RANBP2: variants seen among roughly 807,000 people sequenced by gnomAD.
RANBP2 encodes the protein E3 SUMO-protein ligase RanBP2.
Under a neutral mutation model 303.6 loss-of-function variants are expected in RANBP2, and 57 were observed. That is an observed-to-expected ratio of 0.19 (90% CI 0.15 to 0.23). The LOEUF (loss-of-function observed/expected upper bound fraction) is 0.23. RANBP2 is among the 10% of genes least tolerant of loss of function. The probability of loss-of-function intolerance (pLI) is 1.00; values close to 1 mark genes in which losing one functional copy is unlikely to be tolerated. For missense variants in RANBP2, 3,138 were observed against 3,780.8 expected (o/e 0.83, Z 4.46); for synonymous variants, 1,167 against 1,301.5 (o/e 0.90, Z 2.23).
At chr2:109,596,411 A>G in the RANBP2 span, among the ~76,000 whole-genome samples, 1 of 151,958 alleles carries the variant, frequency 6.6e-6, no homozygotes, top group East Asian at 1.9e-4. Context: ...AGGTCAGGAG[A>G]TCAAGACCAT....
chr2:109,120,180 T>G, the RANBP2 span, among the ~76,000 whole-genome samples: 4 of 152,178 alleles, frequency 2.6e-5, no homozygotes, highest in African/African-American at 9.6e-5. Context: ...GCAGGCTACC[T>G]GTAGGGTGGA....
chr2:109,271,898 T>G, the RANBP2 span, among the ~76,000 whole-genome samples: 6 of 152,256 alleles, frequency 3.9e-5, no homozygotes, highest in African/African-American at 1.4e-4. Context: ...ATTGAGATTC[T>G]AACCGCTACG....
In RANBP2 at chr2:108,739,375, C is replaced by G. The variant is rs567405201; in HGVS notation, c.783-1114C>G. Among the ~76,000 whole-genome samples, 285 of 152,252 alleles carry G rather than the reference C, an allele frequency of 1.9e-3. 2 individuals carry two copies. The highest frequency in any genetic ancestry group is 6.6e-3 in the African/African-American group (276 of 41,552). ...CCAAGATTGTGCCACTGCACTCCAG[C>G]CTTGTGACAGAGTGAGATTCTGTCT... On this transcript the variant is annotated intron_variant, in intron 6 of 28. Transcript: ENST00000283195.
the RANBP2 span, among the ~76,000 whole-genome samples, chr2:109,078,590 G>A: frequency 6.7e-6 from 1 of 149,424 alleles, no homozygotes; most frequent in Non-Finnish European, 1.5e-5. Flanking sequence ...AGTTCTAGGG[G>A]TCTAAGGTAA....
the RANBP2 span, among the ~76,000 whole-genome samples, chr2:109,675,844 C>A: frequency 0.011 from 1,641 of 152,296 alleles, 43 homozygotes; most frequent in African/African-American, 0.037. Context: ...GCGGCCCCGG[C>A]CCTAAAGCAC....
the RANBP2 span, among the ~76,000 whole-genome samples, chr2:109,011,552 T>G: frequency 6.6e-6 from 1 of 152,182 alleles, no homozygotes; most frequent in East Asian, 1.9e-4. Flanking sequence ...ACCCATTGTG[T>G]TGGGCGCTCA....
the RANBP2 span, among the ~76,000 whole-genome samples, chr2:108,959,693 C>T: frequency 6.6e-6 from 1 of 152,148 alleles, no homozygotes; most frequent in Non-Finnish European, 1.5e-5. Flanking sequence ...CTGCTGGGGC[C>T]GTGGGCAGTG....
At chr2:109,248,530 G>GT in the RANBP2 span, among the ~76,000 whole-genome samples, 1 of 152,218 alleles carries the variant, frequency 6.6e-6, no homozygotes, top group South Asian at 2.1e-4. Context: ...TTAAATGGAT[G>GT]TTACTACCCT....
the RANBP2 span, among the ~76,000 whole-genome samples, chr2:109,402,860 T>C: frequency 1.3e-5 from 2 of 152,188 alleles, no homozygotes; most frequent in East Asian, 1.9e-4. Flanking sequence ...TGAATCCTCA[T>C]TGAACGTTGC....
At chr2:109,149,599 CAGG>C in the RANBP2 span, among the ~76,000 whole-genome samples, 1 of 152,144 alleles carries the variant, frequency 6.6e-6, no homozygotes, top group Non-Finnish European at 1.5e-5. Context: ...CAAGGTCCAG[CAGG>C]AGGACAGCTG....
the RANBP2 span, among the ~76,000 whole-genome samples, chr2:109,682,877 C>T: frequency 2.0e-5 from 3 of 152,194 alleles, no homozygotes; most frequent in Non-Finnish European, 2.9e-5. Context: ...CTGTCCGCTC[C>T]CTGGCCCTGA....
the RANBP2 span, among the ~76,000 whole-genome samples, chr2:109,695,925 C>T: frequency 0.053 from 8,125 of 151,956 alleles, 420 homozygotes; most frequent in East Asian, 0.17. Flanking sequence ...CCTTCAGCTC[C>T]TTTTCTTTTC....
At chr2:109,449,298 A>G in the RANBP2 span, 3 of 1,608,732 alleles carry the variant, frequency 1.9e-6, 1 homozygote, top group South Asian at 3.3e-5. Flanking sequence ...CCCGCAGCAC[A>G]GCCACCAGCC....
At chr2:109,100,727 G>A in the RANBP2 span, among the ~76,000 whole-genome samples, 3 of 152,160 alleles carry the variant, frequency 2.0e-5, no homozygotes, top group Admixed American at 2.0e-4. Context: ...AAAAAGAATT[G>A]AAGTTATAAT....
the RANBP2 span, chr2:109,432,425 T>TC: frequency 5.0e-5 from 78 of 1,561,510 alleles, no homozygotes; most frequent in Non-Finnish European, 6.4e-5. Flanking sequence ...AAAGACAACC[T>TC]CCCCCCAGGA....
At chr2:109,692,072 A>T in the RANBP2 span, among the ~76,000 whole-genome samples, 3 of 152,154 alleles carry the variant, frequency 2.0e-5, no homozygotes, top group Non-Finnish European at 2.9e-5. Context: ...GTGAGCCACC[A>T]TGCCCGGCCC....
At chr2:109,264,416 C>T in the RANBP2 span, among the ~76,000 whole-genome samples, 4 of 152,192 alleles carry the variant, frequency 2.6e-5, no homozygotes, top group African/African-American at 9.7e-5. Flanking sequence ...GCCCCCCATC[C>T]ACCTCCCCAC....
chr2:108,843,407 C>T, the RANBP2 span, among the ~76,000 whole-genome samples: 8 of 152,240 alleles, frequency 5.3e-5, no homozygotes, highest in South Asian at 2.1e-4. Context: ...ATCCACCTGC[C>T]GTGGCCTCCC....
At chr2:108,752,617 C>CAAAAAAAAAA (rs1247816984) in intron 12 of RANBP2, among the ~76,000 whole-genome samples, 65 of 40,462 alleles carry the variant, frequency 1.6e-3, no homozygotes, top group Non-Finnish European at 2.0e-3. Context: ...ACTAAAAATA[C>CAAAAAAAAAA]AAAAAAAAAA....
Sources: gnomAD v4.1 joint callset for allele counts (sites outside exome capture counted in the v4.1 genomes callset) on GRCh38, gnomAD v4.1.1 for gene constraint, MANE v1.5 for transcripts, NCBI Gene and HGNC (gene_info 2026-07-23, HGNC 2026-07-21) for gene names.